The following IFT80 variants were observed in gnomAD, a reference collection of about 807,000 sequenced individuals.
IFT80 encodes intraflagellar transport 80, also known as intraflagellar transport protein 80 homolog.
IFT80 carries 79 observed loss-of-function variants against 107.9 expected under a neutral mutation model. That is an observed-to-expected ratio of 0.73 (90% confidence interval 0.61 to 0.88). The LOEUF (loss-of-function observed/expected upper bound fraction) is 0.88, where lower values mean the gene tolerates loss of function less well. Among genes scored for constraint, IFT80 ranks in the 40% least tolerant of loss-of-function variants. The pLI, the probability that IFT80 is intolerant of heterozygous loss-of-function variation, is 0.00. For missense variants in IFT80, 797 were observed against 914.2 expected (o/e 0.87, Z 1.65); for synonymous variants, 299 against 300.9 (o/e 0.99, Z 0.07).
intron 12 of IFT80, among the ~76,000 whole-genome samples, chr3:160,289,791 C>T (rs1715388897): frequency 6.6e-6 from 1 of 152,100 alleles, no homozygotes; most frequent in Non-Finnish European, 1.5e-5. Flanking sequence ...AGCCTGGGTT[C>T]CTTGGCTCAA....
intron 1 of IFT80, among the ~76,000 whole-genome samples, chr3:160,390,143 C>T (rs1019139856): frequency 9.9e-5 from 15 of 152,028 alleles, no homozygotes; most frequent in African/African-American, 3.4e-4. Context: ...CAGGGACAGG[C>T]ATGGTGGCTC....
chr3:160,398,746 C>T lies in IFT80; in HGVS notation c.-47+400G>A, dbSNP rs543753194. Among the ~76,000 whole-genome samples the T allele has an allele frequency of 2.6e-5, 4 of 152,286 alleles. No homozygotes were observed. In the South Asian group the frequency reaches 8.3e-4, roughly 32 times the overall value. ...CCTTACCCAGGGCAATGTATACAAA[C>T]ACTACTTAGGGAATATTTGCTGATC... On this transcript the variant is annotated intron_variant, in intron 1 of 19. Coordinates refer to ENST00000326448, the MANE Select transcript of IFT80 (RefSeq NM_020800.3).
At chr3:160,368,977 T>TG (rs1002546263) in intron 5 of IFT80, among the ~76,000 whole-genome samples, 3 of 151,888 alleles carry the variant, frequency 2.0e-5, no homozygotes, top group Non-Finnish European at 4.4e-5. Context: ...AAGGCACGGT[T>TG]GGGGTACAGA....
intron 9 of IFT80, among the ~76,000 whole-genome samples, chr3:160,308,119 G>A (rs1230781806): frequency 6.6e-6 from 1 of 152,160 alleles, no homozygotes; most frequent in Non-Finnish European, 1.5e-5. Context: ...ATTGAAGTTG[G>A]AAAGATTCTA....
At chr3:160,378,239 A>AT (rs1311838516) in intron 3 of IFT80, among the ~76,000 whole-genome samples, 2 of 149,788 alleles carry the variant, frequency 1.3e-5, no homozygotes, top group African/African-American at 5.0e-5. Flanking sequence ...TTTATAGCCT[A>AT]TAAAAAAAAA....
chr3:160,350,043 T>A (rs767102122), intron 8 of IFT80, among the ~76,000 whole-genome samples: 1 of 152,176 alleles, frequency 6.6e-6, no homozygotes, highest in Non-Finnish European at 1.5e-5. Context: ...ACTGAGTGTA[T>A]AATTAATGTT....
At chr3:160,398,958 T>C (rs953900528) in intron 1 of IFT80, among the ~76,000 whole-genome samples, 188 bp downstream of exon 1, 3 of 152,176 alleles carry the variant, frequency 2.0e-5, no homozygotes, top group African/African-American at 7.2e-5. Flanking sequence ...GTTGTCTCTC[T>C]ACTCCCTTAA....
chr3:160,287,050 G>A (rs1473484947), intron 12 of IFT80, among the ~76,000 whole-genome samples: 1 of 152,002 alleles, frequency 6.6e-6, no homozygotes, highest in African/African-American at 2.4e-5. Flanking sequence ...CATCATGTGG[G>A]CAATGATTTA....
At chr3:160,347,608 A>G (rs1167166554) in intron 8 of IFT80, among the ~76,000 whole-genome samples, 1 of 152,220 alleles carries the variant, frequency 6.6e-6, no homozygotes, top group Non-Finnish European at 1.5e-5. Flanking sequence ...ACCTTTAGCC[A>G]TACATTCAAA....
At chr3:160,342,389 A>G (rs1031292257) in intron 8 of IFT80, among the ~76,000 whole-genome samples, 1 of 152,216 alleles carries the variant, frequency 6.6e-6, no homozygotes, top group African/African-American at 2.4e-5. Context: ...TTGATATATC[A>G]AAAAGTGATA....
At chr3:160,353,199 C>T (rs1375319752) in intron 8 of IFT80, among the ~76,000 whole-genome samples, 1 of 152,182 alleles carries the variant, frequency 6.6e-6, no homozygotes, top group Non-Finnish European at 1.5e-5. Context: ...CATTTGAATA[C>T]TACCATGTTA....
chr3:160,390,910 C>A (rs557033439), intron 1 of IFT80, among the ~76,000 whole-genome samples: 42 of 152,344 alleles, frequency 2.8e-4, no homozygotes, highest in Non-Finnish European at 5.6e-4. Flanking sequence ...GGCTAAAACA[C>A]AGAAGAGGTG....
At chr3:160,392,344 A>T (rs866646633) in intron 1 of IFT80, among the ~76,000 whole-genome samples, 13 of 152,346 alleles carry the variant, frequency 8.5e-5, no homozygotes, top group Middle Eastern at 3.4e-3. Flanking sequence ...TATAGTGACA[A>T]CTACTAATTT....
intron 2 of IFT80, among the ~76,000 whole-genome samples, chr3:160,382,007 C>A (rs1712556415): frequency 6.6e-6 from 1 of 152,086 alleles, no homozygotes; most frequent in Admixed American, 6.6e-5. Flanking sequence ...ATACAATATT[C>A]TATACACAAA....
chr3:160,281,348 A>G (rs1714677245), intron 14 of IFT80, among the ~76,000 whole-genome samples: 1 of 152,174 alleles, frequency 6.6e-6, no homozygotes, highest in Admixed American at 6.5e-5. Flanking sequence ...TGTCAGCAGG[A>G]AGCAGTTACA....
At chr3:160,261,330 T>C (rs1424694900) in intron 19 of IFT80, among the ~76,000 whole-genome samples, 2 of 151,860 alleles carry the variant, frequency 1.3e-5, no homozygotes, top group African/African-American at 2.4e-5. Context: ...GCTTAGTATA[T>C]ATCAAGGATT....
At chr3:160,275,569 T>C (rs574610535) in intron 18 of IFT80, among the ~76,000 whole-genome samples, 54 of 152,306 alleles carry the variant, frequency 3.5e-4, no homozygotes, top group African/African-American at 1.2e-3. Flanking sequence ...ATTTTGACAT[T>C]TGACTATTAT....
At chr3:160,348,997 T>C (rs1313270026) in intron 8 of IFT80, among the ~76,000 whole-genome samples, 1 of 152,196 alleles carries the variant, frequency 6.6e-6, no homozygotes. Flanking sequence ...GTTCTAAAAT[T>C]AGAGTTTTGT....
chr3:160,285,158 G>A (rs1430052728), intron 13 of IFT80, among the ~76,000 whole-genome samples: 2 of 151,984 alleles, frequency 1.3e-5, no homozygotes, highest in Non-Finnish European at 2.9e-5. Context: ...GGGCAACATG[G>A]CGAAACCCTG....
Sources: gnomAD v4.1 joint callset for allele counts (sites outside exome capture counted in the v4.1 genomes callset) on GRCh38, gnomAD v4.1.1 for gene constraint, MANE v1.5 for transcripts, NCBI Gene and HGNC (gene_info 2026-07-23, HGNC 2026-07-21) for gene names.